Variants in STIL observed in about 807,000 individuals in gnomAD.
STIL encodes STIL centriolar assembly protein, also known as SCL-interrupting locus protein.
In STIL, 55 loss-of-function variants were observed where a neutral mutation model predicts 110.1. The observed-to-expected ratio is 0.50, with a 90% CI of 0.40 to 0.63. The LOEUF is 0.63. STIL is among the 20% of genes least tolerant of loss of function. The pLI, the probability that STIL is intolerant of heterozygous loss-of-function variation, is 0.00. For synonymous variants in STIL, 481 were observed against 530.0 expected, an observed-to-expected ratio of 0.91 and a Z score of 1.27; for missense variants, 1,358 against 1,530.0, an observed-to-expected ratio of 0.89 and a Z score of 1.87.
intron 15 of STIL, among the ~76,000 whole-genome samples, chr1:47,261,941 C>G (rs1570041836): frequency 6.6e-6 from 1 of 151,884 alleles, no homozygotes; most frequent in African/African-American, 2.4e-5. Context: ...GAGTAATTCT[C>G]CAAGTATTTT....
Position 47,272,727 on chromosome 1 carries a change from A to C in STIL, c.2218-486T>G, listed in dbSNP as rs1644878055. On this transcript the variant is annotated intron_variant, in intron 12 of 16. Transcript: ENST00000371877. The stretch of plus-strand genomic sequence containing the variant: ...AGCCTTTAAGTATACATTTAAAAGC[A>C]ATACATAAAGGTGTTTAGCTTAGTA... 3.3e-5 allele frequency among the ~76,000 whole-genome samples: 5 copies of C among 152,334 alleles called. No individual in the cohort carries two copies. In the South Asian group the frequency reaches 1.0e-3, roughly 32 times the overall value.
At chr1:47,257,857 C>T (rs1168640988) in intron 16 of STIL, among the ~76,000 whole-genome samples, 3 of 152,132 alleles carry the variant, frequency 2.0e-5, no homozygotes, top group Non-Finnish European at 2.9e-5. Context: ...TTGTGTATTA[C>T]GATATCTCTT....
intron 2 of STIL, 56 bp from the exon 3 acceptor site, chr1:47,305,052 T>C (rs1202374350): frequency 7.9e-7 from 1 of 1,271,934 alleles, no homozygotes; most frequent in Non-Finnish European, 1.1e-6. Context: ...TTGGTAGACA[T>C]TTGGTAGGAA....
At chr1:47,273,900 T>C (rs190685503) in intron 12 of STIL, among the ~76,000 whole-genome samples, 324 of 152,330 alleles carry the variant, frequency 2.1e-3, no homozygotes, top group African/African-American at 7.5e-3. Flanking sequence ...CATGTGTATT[T>C]ATAGTGGTTT....
chr1:47,304,168 GTTT>G (rs200446827), intron 3 of STIL, among the ~76,000 whole-genome samples: 3 of 142,134 alleles, frequency 2.1e-5, no homozygotes, highest in African/African-American at 7.7e-5. Context: ...TCCTTATTTT[GTTT>G]TTTTTTTTAC....
chr1:47,303,707 CATT>C (rs1339224721), intron 3 of STIL, among the ~76,000 whole-genome samples: 3 of 152,140 alleles, frequency 2.0e-5, no homozygotes, highest in African/African-American at 7.2e-5. Flanking sequence ...CAGGACTAAC[CATT>C]ATTTAGTTGA....
At chr1:47,284,189 T>C (rs972463605) in intron 10 of STIL, 2 of 152,154 alleles carry the variant, frequency 1.3e-5, no homozygotes, top group Admixed American at 1.3e-4. Context: ...TGAGCCACTG[T>C]GCCTGGCCTC....
At chr1:47,254,180 C>CAAAAAAA (rs59259774) in intron 16 of STIL, among the ~76,000 whole-genome samples, 7 of 61,430 alleles carry the variant, frequency 1.1e-4, no homozygotes, top group Non-Finnish European at 1.2e-4. Context: ...GACTCTGTCT[C>CAAAAAAA]AAAAAAAAAA....
chr1:47,311,544 C>CAA (rs1198024663), intron 1 of STIL, among the ~76,000 whole-genome samples: 1 of 152,058 alleles, frequency 6.6e-6, no homozygotes, highest in Non-Finnish European at 1.5e-5. Context: ...GCCTTTGCCT[C>CAA]AAAAAGTGCT....
chr1:47,288,359 C>T (rs933644695), intron 9 of STIL, among the ~76,000 whole-genome samples: 7 of 151,656 alleles, frequency 4.6e-5, no homozygotes, highest in African/African-American at 1.5e-4. Context: ...TGCAGCGGCA[C>T]GATCTCAGTT....
intron 6 of STIL, 37 bp downstream of exon 6, chr1:47,299,868 T>C: frequency 1.3e-6 from 2 of 1,591,648 alleles, no homozygotes; most frequent in Non-Finnish European, 1.7e-6. Context: ...AATATACTAA[T>C]GCAACTAACA....
chr1:47,255,990 C>T (rs1644317668), intron 16 of STIL, among the ~76,000 whole-genome samples: 7 of 152,166 alleles, frequency 4.6e-5, no homozygotes, highest in Admixed American at 4.6e-4. Flanking sequence ...TAAAAGACGG[C>T]TGATTTACAG....
At chr1:47,264,008 C>T (rs1464418940) in intron 14 of STIL, among the ~76,000 whole-genome samples, 1 of 152,142 alleles carries the variant, frequency 6.6e-6, no homozygotes, top group Non-Finnish European at 1.5e-5. Context: ...CTGCCTCAGC[C>T]TCCCCAAGTG....
chr1:47,300,390 GA>G (rs1238205924), intron 5 of STIL, among the ~76,000 whole-genome samples: 1 of 152,010 alleles, frequency 6.6e-6, no homozygotes, highest in Non-Finnish European at 1.5e-5. Flanking sequence ...TTTCAATGTA[GA>G]TATCCCAGCA....
In STIL at chr1:47,293,559, T is replaced by C; in HGVS notation, c.786-15A>G. 1.2e-6 allele frequency: 2 copies of C among 1,603,504 alleles called. No homozygotes were observed. The highest frequency in any genetic ancestry group is 1.7e-6 in the Non-Finnish European group (2 of 1,170,886). On this transcript the variant is annotated splice_polypyrimidine_tract_variant and intron_variant, in intron 7 of 16. Transcript: ENST00000371877. ...CAGACAGCCAACTAAAAGAAAAAGATAGAAATTAAAAACCATAGTCACTTA... is the reference window on the plus strand; with the variant it reads ...CAGACAGCCAACTAAAAGAAAAAGACAGAAATTAAAAACCATAGTCACTTA...
At chr1:47,279,125 G>A (rs986744214) in intron 12 of STIL, among the ~76,000 whole-genome samples, 1 of 151,794 alleles carries the variant, frequency 6.6e-6, no homozygotes, top group Non-Finnish European at 1.5e-5. Context: ...GTGAAACTCC[G>A]TCTCTACTAA....
intron 10 of STIL, chr1:47,282,748 G>A (rs1645187079): frequency 9.0e-6 from 3 of 334,936 alleles, no homozygotes; most frequent in Admixed American, 4.4e-5. Flanking sequence ...TGATCACTTC[G>A]ATAAATATAG....
At position 47,259,234 on chromosome 1, in the gene STIL, C is replaced by A. The variant is rs537736974; in HGVS notation, c.3080+1055G>T. 4.0e-5 allele frequency among the ~76,000 whole-genome samples: 6 copies of A among 150,312 alleles called. No homozygotes were observed. In the South Asian group the frequency reaches 1.1e-3, roughly 26 times the overall value. On this transcript the variant is annotated intron_variant, in intron 16 of 16. Coordinates refer to ENST00000371877, the MANE Select transcript of STIL (RefSeq NM_001048166.1). Reference sequence around the variant, plus strand: ...ATCTCCTGACCTCGTGATCCGCCCACCTCGGCTTCCCAAAGTGCTGGGATT... The same window carrying A: ...ATCTCCTGACCTCGTGATCCGCCCAACTCGGCTTCCCAAAGTGCTGGGATT...
In STIL at chr1:47,252,778, T is replaced by TACACACAC. The variant is rs3043070; in HGVS notation, c.3081-864_3081-857dup. On this transcript the variant is annotated intron_variant, in intron 16 of 16. Coordinates refer to ENST00000371877, the MANE Select transcript of STIL (RefSeq NM_001048166.1). ...CAACCAGTCTCTGGATATGGGCTTA[T>TACACACAC]ACACACACACACACACACACACACA... Among the ~76,000 whole-genome samples, 1,308 of 140,174 alleles carry TACACACAC rather than the reference T, an allele frequency of 9.3e-3. 9 individuals carry two copies. Among genetic ancestry groups the TACACACAC allele is most frequent in the South Asian group, 0.019 (80 of 4,136 alleles). The allele number at this position is 140,174 out of a possible 152,430, so 92.0% of individuals were successfully genotyped here. A position where few individuals can be genotyped will look rare whatever the true frequency, so the allele number is the denominator to read the frequency against.
Sources: allele counts gnomAD v4.1 joint callset (sites outside exome capture counted in the v4.1 genomes callset), GRCh38; gene constraint gnomAD v4.1.1; transcripts MANE v1.5; gene names NCBI Gene and HGNC (gene_info 2026-07-23, HGNC 2026-07-21).